KIAA0232: variants seen among roughly 807,000 people sequenced by gnomAD.
KIAA0232 encodes uncharacterized protein KIAA0232.
KIAA0232 carries 27 observed loss-of-function variants against 122.0 expected under a neutral mutation model. The observed-to-expected ratio is 0.22, with a 90% CI of 0.16 to 0.31. The LOEUF is 0.31. Among genes scored for constraint, KIAA0232 ranks in the 10% least tolerant of loss-of-function variants. The probability of loss-of-function intolerance (pLI) is 1.00; values close to 1 mark genes in which losing one functional copy is unlikely to be tolerated. For missense variants in KIAA0232, 1,551 were observed against 1,634.2 expected, an observed-to-expected ratio of 0.95 and a Z score of 0.88; for synonymous variants, 613 against 587.6, an observed-to-expected ratio of 1.04 and a Z score of -0.63.
chr4:6,837,142 C>T (rs1340498757), intron 3 of KIAA0232, among the ~76,000 whole-genome samples: 1 of 151,152 alleles, frequency 6.6e-6, no homozygotes, highest in South Asian at 2.1e-4. Flanking sequence ...GGCTGCCCCC[C>T]ACCTCCCGAA....
In KIAA0232 at chr4:6,801,920, A is replaced by G. The variant is rs1215244846; in HGVS notation, c.-353-2603A>G. Among the ~76,000 whole-genome samples the G allele has an allele frequency of 3.3e-5, 5 of 152,170 alleles. No homozygotes were observed. The East Asian group carries it at 9.6e-4, about 29-fold the overall frequency. Reference sequence around the variant, plus strand: ...TACATGCCACCATTACCTTCCAGATAAAGTTTGTATCCCTCACTGTGTATT... The same window carrying G: ...TACATGCCACCATTACCTTCCAGATGAAGTTTGTATCCCTCACTGTGTATT... On this transcript the variant is annotated intron_variant, in intron 1 of 9. Transcript: ENST00000307659.
chr4:6,824,666 C>T lies in KIAA0232; in HGVS notation c.213C>T (p.Asp71=), dbSNP rs1410118720. 3.7e-6 allele frequency: 6 copies of T among 1,613,900 alleles called. No homozygotes were observed. The Admixed American group carries it at 5.0e-5, about 13-fold the overall frequency. Reference sequence around the variant, plus strand: ...GTCTTCTGCTGCATGACAGCTATGACTACGACCTGCAGGAACAGGTATTTA... The same window carrying T: ...GTCTTCTGCTGCATGACAGCTATGATTACGACCTGCAGGAACAGGTATTTA... The part of the protein sequence containing the change: ...VLSLLLHDSY[D]YDLQEQENDI... The change falls in exon 3 of 10, where the codon GAC becomes GAT. Residue 71 remains aspartate (D), a synonymous_variant. Transcript: ENST00000307659.
intron 4 of KIAA0232, among the ~76,000 whole-genome samples, chr4:6,852,799 G>C (rs891498255): frequency 3.9e-5 from 6 of 152,220 alleles, no homozygotes; most frequent in African/African-American, 1.2e-4. Context: ...TCATGTGACT[G>C]GTGCTTCAGC....
Position 6,842,120 on chromosome 4 carries a change from G to T in KIAA0232, c.285G>T (p.Lys95Asn), listed in dbSNP as rs1719697628. ...AAGGAGCTTATAAGAAATGGGGAAA[G>T]AGTAAGAAAAAATGTTCAGATCTAA... ...WEKGAYKKWGKSKKKCSDLTL... is the reference protein window; with the variant it reads ...WEKGAYKKWGNSKKKCSDLTL... The change falls in exon 4 of 10, where the codon AAG becomes AAT. Residue 95 changes from lysine to asparagine, a missense_variant. Physicochemically the swap from Lys to Asn is moderately conservative, Grantham distance 94. Around this residue, in one of 5 missense-constraint regions of KIAA0232, gnomAD observed 377 missense variants for 381.7 expected, o/e 0.99. Coordinates refer to ENST00000307659, the MANE Select transcript of KIAA0232 (RefSeq NM_014743.3). The T allele has an allele frequency of 1.2e-6, 2 of 1,612,802 alleles. No individual in the cohort carries two copies. The highest frequency in any genetic ancestry group is 1.7e-6 in the Non-Finnish European group (2 of 1,179,630).
At chr4:6,826,502 A>C (rs1378763075) in intron 3 of KIAA0232, among the ~76,000 whole-genome samples, 1 of 132,542 alleles carries the variant, frequency 7.5e-6, no homozygotes, top group Non-Finnish European at 1.6e-5. Context: ...ATAGGGAATG[A>C]TTTTTTTTTT....
chr4:6,821,722 A>C (rs1451598461), intron 2 of KIAA0232, among the ~76,000 whole-genome samples: 1 of 151,910 alleles, frequency 6.6e-6, no homozygotes. Context: ...ATATATGTAT[A>C]TACATATACC....
chr4:6,864,584 C>G (rs1721067918), intron 7 of KIAA0232, among the ~76,000 whole-genome samples: 1 of 151,754 alleles, frequency 6.6e-6, no homozygotes, highest in East Asian at 1.9e-4. Flanking sequence ...ACTAAAAATA[C>G]AAAAATTACC....
rs896692210 is a variant in KIAA0232, at chr4:6,876,543, G to A, written c.3911-117G>A. ...ACTTAAAACCTCCGAAGGGTTGGGA[G>A]ACCTAACTGATGTAGCTTTTTAGTG... is the stretch of plus-strand genomic sequence containing the variant. On this transcript the variant is annotated intron_variant, in intron 8 of 9. Coordinates refer to ENST00000307659, the MANE Select transcript of KIAA0232 (RefSeq NM_014743.3). 8.4e-6 allele frequency: 6 copies of A among 714,868 alleles called. No individual in the cohort carries two copies. The South Asian group carries it at 1.0e-4, about 12-fold the overall frequency. The allele number at this position is 714,868 out of a possible 1,614,324, so 44.3% of individuals were successfully genotyped here. A position where few individuals can be genotyped will look rare whatever the true frequency, so the allele number is the denominator to read the frequency against.
intron 4 of KIAA0232, among the ~76,000 whole-genome samples, chr4:6,853,020 G>T (rs896202196): frequency 1.3e-5 from 2 of 152,308 alleles, no homozygotes; most frequent in Admixed American, 6.5e-5. Flanking sequence ...TTACTTTCTG[G>T]AGAGATTAAG....
Position 6,871,554 on chromosome 4 carries a change from A to T in KIAA0232, c.3802-20A>T. 1 of 1,362,546 alleles carries T rather than the reference A, an allele frequency of 7.3e-7. No homozygotes were observed. Among genetic ancestry groups the T allele is most frequent in the South Asian group, 1.2e-5 (1 of 80,658 alleles). 84.4% of individuals were successfully genotyped at this position (1,362,546 alleles called of 1,614,324 possible). ...CTGAAAGTTTATAAACTTTTTCTGT[A>T]TTTGGTTTAATCTAAACAGTTCCCT... On this transcript the variant is annotated intron_variant, in intron 7 of 9. Coordinates refer to ENST00000307659, the MANE Select transcript of KIAA0232 (RefSeq NM_014743.3).
At chr4:6,844,823 A>C (rs1466224217) in intron 4 of KIAA0232, among the ~76,000 whole-genome samples, 1 of 152,236 alleles carries the variant, frequency 6.6e-6, no homozygotes, top group African/African-American at 2.4e-5. Flanking sequence ...TATCTTAGGC[A>C]CCATTTCATT....
At chr4:6,787,486 T>A (rs1214448941) in intron 1 of KIAA0232, among the ~76,000 whole-genome samples, 1 of 152,204 alleles carries the variant, frequency 6.6e-6, no homozygotes, top group Non-Finnish European at 1.5e-5. Flanking sequence ...GTACTGCACA[T>A]CCTTACACAG....
At chr4:6,851,698 A>G (rs1461694195) in intron 4 of KIAA0232, among the ~76,000 whole-genome samples, 1 of 149,228 alleles carries the variant, frequency 6.7e-6, no homozygotes, top group African/African-American at 2.5e-5. Flanking sequence ...CCTGGGTGAC[A>G]GAGCAAGATC....
chr4:6,870,183 G>C (rs1009400770), intron 7 of KIAA0232, among the ~76,000 whole-genome samples: 3 of 152,320 alleles, frequency 2.0e-5, no homozygotes, highest in Middle Eastern at 3.4e-3. Context: ...GCTGTTGTCT[G>C]TCTGCCATTG....
chr4:6,839,566 AATAAAGGAATAGTGTGT>A (rs779185935), intron 3 of KIAA0232, among the ~76,000 whole-genome samples: 7 of 152,334 alleles, frequency 4.6e-5, no homozygotes, highest in South Asian at 4.1e-4. Flanking sequence ...TTGAAGGAAG[AATAAAGGAATAGTGTGT>A]ATAAAGGAAT....
At chr4:6,793,324 A>G (rs1224725836) in intron 1 of KIAA0232, among the ~76,000 whole-genome samples, 1 of 152,230 alleles carries the variant, frequency 6.6e-6, no homozygotes, top group Non-Finnish European at 1.5e-5. Flanking sequence ...TTTTCCTGAA[A>G]AACTCCATAA....
chr4:6,794,764 T>G (rs1217793354), intron 1 of KIAA0232, among the ~76,000 whole-genome samples: 1 of 152,112 alleles, frequency 6.6e-6, no homozygotes, highest in Non-Finnish European at 1.5e-5. Context: ...ATGTGGGATG[T>G]GCGAGGAGGA....
rs1720942089 is a variant in KIAA0232 at position 6,862,698 on chromosome 4, A to G, written c.2316A>G (p.Arg772=). The change falls in exon 7 of 10, where the codon AGA becomes AGG. Residue 772 remains arginine, a synonymous_variant. Transcript: ENST00000307659. ...ATGAAACTTGCCAGCAAAACAGTAG[A>G]ACTTTAGGTGAGATTCCTACATTAG... The part of the protein sequence containing the change: ...LQDETCQQNS[R]TLGEIPTLVF... The G allele has an allele frequency of 6.2e-7, 1 of 1,611,332 alleles. No homozygotes were observed. Among genetic ancestry groups the G allele is most frequent in the African/African-American group, 1.3e-5 (1 of 74,778 alleles).
intron 7 of KIAA0232, among the ~76,000 whole-genome samples, chr4:6,870,212 C>T (rs1381219295): frequency 2.0e-5 from 3 of 152,224 alleles, no homozygotes; most frequent in African/African-American, 7.2e-5. Context: ...ATCCAGTTCT[C>T]ACTGGCCAAG....
Sources: gnomAD v4.1 joint callset for allele counts (sites outside exome capture counted in the v4.1 genomes callset) on GRCh38, gnomAD v4.1.1 for gene constraint, gnomAD v4.1.1 regional missense constraint, MANE v1.5 for transcripts, NCBI Gene and HGNC (gene_info 2026-07-23, HGNC 2026-07-21) for gene names.